Variants in ABCA13 observed in about 807,000 individuals in gnomAD.
ABCA13 encodes ATP binding cassette subfamily A member 13, also known as ATP-binding cassette sub-family A member 13.
Under a neutral mutation model 478.7 loss-of-function variants are expected in ABCA13, and 476 were observed. That is an observed-to-expected ratio of 0.99 (90% CI 0.92 to 1.07). The LOEUF (loss-of-function observed/expected upper bound fraction) is 1.07. Ranked by LOEUF, ABCA13 falls within the 50% of genes least tolerant of loss-of-function variation. The pLI, the probability that ABCA13 is intolerant of heterozygous loss-of-function variation, is 0.00. For missense variants in ABCA13, 6,060 were observed against 5,910.6 expected (o/e 1.03, Z -0.83); for synonymous variants, 2,252 against 2,158.9 (o/e 1.04, Z -1.20).
rs551237401 is a variant in ABCA13, at chr7:48,428,002, G to C, written c.12565+131G>C. ...GAGGAGATGTGAGTGTATAGTGAGG[G>C]GGCAAGTAAATACAGGTCAGAGGCA... On this transcript the variant is annotated intron_variant, in intron 42 of 61. Transcript: ENST00000435803. The C allele has an allele frequency of 2.7e-5, 15 of 550,106 alleles. No individual in the cohort carries two copies. The Admixed American group carries it at 4.5e-4, about 16-fold the overall frequency. The allele number at this position is 550,106 out of a possible 1,614,324, so 34.1% of individuals were successfully genotyped here.
chr7:48,515,316 A>T (rs1832023797), intron 51 of ABCA13, among the ~76,000 whole-genome samples: 1 of 152,238 alleles, frequency 6.6e-6, no homozygotes. Flanking sequence ...TGCTGATATT[A>T]GGAACCATCG....
chr7:48,212,226 G>A (rs1263054690), intron 3 of ABCA13, among the ~76,000 whole-genome samples: 1 of 152,094 alleles, frequency 6.6e-6, no homozygotes, highest in Admixed American at 6.5e-5. Flanking sequence ...TGATAGGGCA[G>A]CACTGAGTTT....
At chr7:48,569,768 G>C (rs1787427200) in intron 55 of ABCA13, among the ~76,000 whole-genome samples, 1 of 152,112 alleles carries the variant, frequency 6.6e-6, no homozygotes, top group African/African-American at 2.4e-5. Context: ...AAAATGGTCT[G>C]CTCACCTTGG....
At chr7:48,573,949 T>C (rs1787921497) in intron 55 of ABCA13, among the ~76,000 whole-genome samples, 1 of 152,118 alleles carries the variant, frequency 6.6e-6, no homozygotes, top group Non-Finnish European at 1.5e-5. Flanking sequence ...CTTCCCTCTA[T>C]ATATGTGTCT....
At chr7:48,579,221 T>C (rs1788471773) in intron 55 of ABCA13, among the ~76,000 whole-genome samples, 2 of 152,210 alleles carry the variant, frequency 1.3e-5, no homozygotes, top group Admixed American at 1.3e-4. Context: ...GAAAAAATTT[T>C]GCAGACCCAT....
chr7:48,234,245 G>C, intron 8 of ABCA13, 94 bp downstream of exon 8: 1 of 1,566,990 alleles, frequency 6.4e-7, no homozygotes, highest in Non-Finnish European at 8.8e-7. Context: ...GGTGCCACGG[G>C]AGAGGCAGCC....
At chr7:48,389,944 A>G (rs762357189) in intron 37 of ABCA13, among the ~76,000 whole-genome samples, 15 of 152,264 alleles carry the variant, frequency 9.9e-5, no homozygotes, top group Non-Finnish European at 2.1e-4. Context: ...CTCAGACTTA[A>G]TAAGAAAGGT....
intron 32 of ABCA13, among the ~76,000 whole-genome samples, chr7:48,368,776 TACACACAC>T (rs4024053): frequency 1.4e-5 from 2 of 143,476 alleles, no homozygotes; most frequent in African/African-American, 5.1e-5. Flanking sequence ...CATATACATA[TACACACAC>T]ACACACACAC....
At chr7:48,431,864 A>G (rs1822196952) in intron 42 of ABCA13, among the ~76,000 whole-genome samples, 2 of 152,218 alleles carry the variant, frequency 1.3e-5, no homozygotes, top group Admixed American at 1.3e-4. Flanking sequence ...ATATTCATCC[A>G]TTAGACAAAA....
intron 19 of ABCA13, among the ~76,000 whole-genome samples, chr7:48,281,665 C>T (rs926598262): frequency 1.3e-5 from 2 of 150,732 alleles, no homozygotes; most frequent in African/African-American, 2.4e-5. Context: ...CCCGTTCCTG[C>T]GCCTTTGCTG....
chr7:48,176,902 A>C (rs1794959756), intron 1 of ABCA13, among the ~76,000 whole-genome samples: 1 of 152,180 alleles, frequency 6.6e-6, no homozygotes, highest in Non-Finnish European at 1.5e-5. Context: ...TTCAAACCTC[A>C]GAGCTTTTGT....
At chr7:48,556,703 G>GA (rs1785866756) in intron 55 of ABCA13, among the ~76,000 whole-genome samples, 1 of 151,742 alleles carries the variant, frequency 6.6e-6, no homozygotes, top group Non-Finnish European at 1.5e-5. Context: ...ATTTTTATAG[G>GA]AAAAATGTAT....
chr7:48,292,771 C>T (rs536201817), intron 20 of ABCA13, among the ~76,000 whole-genome samples: 1 of 152,178 alleles, frequency 6.6e-6, no homozygotes, highest in Non-Finnish European at 1.5e-5. Context: ...CTCCAGGTCA[C>T]CTGTGACATG....
intron 37 of ABCA13, among the ~76,000 whole-genome samples, chr7:48,390,862 C>T (rs1001045228): frequency 6.6e-6 from 1 of 152,162 alleles, no homozygotes; most frequent in African/African-American, 2.4e-5. Context: ...GGTTGTTTCT[C>T]TTTGTCAGTG....
At position 48,389,201 on chromosome 7, in the gene ABCA13, G is replaced by T. The variant is rs1563170994; in HGVS notation, c.11635G>T (p.Ala3879Ser). ...QITALLGTNGAGKTTIISMLT... is the reference protein window; with the variant it reads ...QITALLGTNGSGKTTIISMLT... Reference sequence around the variant, plus strand: ...CACCGCCCTGCTGGGGACAAACGGTGCCGGGAAAACCACTATCATGTGGGT... The same window carrying T: ...CACCGCCCTGCTGGGGACAAACGGTTCCGGGAAAACCACTATCATGTGGGT... The change falls in exon 37 of 62, where the codon GCC becomes TCC. Residue 3879 changes from alanine (A) to serine (S), a missense_variant. Physicochemically the swap from Ala to Ser is moderately conservative, Grantham distance 99. Around this residue, in one of 3 missense-constraint regions of ABCA13, gnomAD observed 1,627 missense variants for 1,571.0 expected, o/e 1.04. Coordinates refer to ENST00000435803, the MANE Select transcript of ABCA13 (RefSeq NM_152701.5). 1 of 1,613,502 alleles carries T rather than the reference G, an allele frequency of 6.2e-7. No individual in the cohort carries two copies. The highest frequency in any genetic ancestry group is 1.1e-5 in the South Asian group (1 of 91,034).
intron 41 of ABCA13, among the ~76,000 whole-genome samples, chr7:48,423,600 A>G (rs569818959): frequency 6.6e-6 from 1 of 152,318 alleles, no homozygotes; most frequent in East Asian, 1.9e-4. Context: ...CTGGGCTGTC[A>G]TAAATGCCTA....
intron 54 of ABCA13, 41 bp downstream of exon 54, chr7:48,524,481 C>A: frequency 6.6e-7 from 1 of 1,521,782 alleles, no homozygotes; most frequent in Non-Finnish European, 8.9e-7. Flanking sequence ...TGTTGTGAAC[C>A]TGTACAACTC....
At chr7:48,232,674 C>G (rs1562835665) in intron 7 of ABCA13, among the ~76,000 whole-genome samples, 1 of 152,162 alleles carries the variant, frequency 6.6e-6, no homozygotes, top group Non-Finnish European at 1.5e-5. Flanking sequence ...TGTTGTTTAG[C>G]AACAAATTTC....
At chr7:48,495,816 A>G (rs1436860930) in intron 48 of ABCA13, among the ~76,000 whole-genome samples, 3 of 151,832 alleles carry the variant, frequency 2.0e-5, no homozygotes, top group African/African-American at 7.3e-5. Flanking sequence ...GGATGATTAT[A>G]TTTTCCTGGT....
Sources: gnomAD v4.1 joint callset for allele counts (sites outside exome capture counted in the v4.1 genomes callset) on GRCh38, gnomAD v4.1.1 for gene constraint, gnomAD v4.1.1 regional missense constraint, MANE v1.5 for transcripts, NCBI Gene and HGNC (gene_info 2026-07-23, HGNC 2026-07-21) for gene names.